DPP10: variants seen among roughly 807,000 people sequenced by gnomAD.
DPP10 encodes dipeptidyl peptidase like 10.
Under a neutral mutation model 120.9 loss-of-function variants are expected in DPP10, and 33 were observed. The observed-to-expected ratio is 0.27, with a 90% confidence interval of 0.21 to 0.37. The LOEUF (loss-of-function observed/expected upper bound fraction) is 0.37, where lower values mean the gene tolerates loss of function less well. Among genes scored for constraint, DPP10 ranks in the 10% least tolerant of loss-of-function variants. The pLI is 1.00. For synonymous variants in DPP10, 337 were observed against 326.1 expected (o/e 1.03, Z -0.36); for missense variants, 816 against 942.8 (o/e 0.87, Z 1.76).
chr2:115,132,685 C>T (rs898617650), intron 1 of DPP10, among the ~76,000 whole-genome samples: 10 of 152,156 alleles, frequency 6.6e-5, no homozygotes, highest in East Asian at 5.8e-4. Context: ...CTTCCAGTTA[C>T]GGCTGGAAAT....
chr2:115,534,215 T>G (rs934167834), intron 5 of DPP10, among the ~76,000 whole-genome samples: 15 of 152,018 alleles, frequency 9.9e-5, no homozygotes, highest in African/African-American at 3.1e-4. Context: ...ACCCACTAAC[T>G]CGTCATCTAG....
intron 3 of DPP10, among the ~76,000 whole-genome samples, chr2:115,419,956 A>T (rs993863897): frequency 6.6e-6 from 1 of 152,182 alleles, no homozygotes; most frequent in Non-Finnish European, 1.5e-5. Flanking sequence ...GCAATTGTAT[A>T]TATCTGTAGA....
chr2:115,010,407 T>C (rs1330000323), intron 1 of DPP10, among the ~76,000 whole-genome samples: 2 of 152,192 alleles, frequency 1.3e-5, no homozygotes, highest in Non-Finnish European at 2.9e-5. Flanking sequence ...AGTTTACACA[T>C]AAATGATGTA....
intron 1 of DPP10, among the ~76,000 whole-genome samples, chr2:115,016,115 G>T (rs1702615314): frequency 6.6e-6 from 1 of 152,150 alleles, no homozygotes; most frequent in Admixed American, 6.6e-5. Context: ...CAAGGCTAAA[G>T]TAACCAAAAC....
intron 1 of DPP10, among the ~76,000 whole-genome samples, chr2:115,016,736 A>G (rs138647134): frequency 3.0e-4 from 45 of 152,302 alleles, no homozygotes; most frequent in Admixed American, 7.8e-4. Context: ...TATGCAGCCA[A>G]CAGACACACG....
intron 1 of DPP10, among the ~76,000 whole-genome samples, chr2:114,562,750 A>G (rs912338157): frequency 1.3e-5 from 2 of 152,240 alleles, no homozygotes; most frequent in Admixed American, 1.3e-4. Context: ...ATACTCTGTA[A>G]AAGGAATTAT....
At chr2:115,036,901 C>T (rs1304388833) in intron 1 of DPP10, among the ~76,000 whole-genome samples, 7 of 152,230 alleles carry the variant, frequency 4.6e-5, no homozygotes, top group Non-Finnish European at 7.4e-5. Flanking sequence ...CTGCAAGATA[C>T]GAATCATCTC....
At chr2:115,182,853 TTTC>T (rs2105156993) in intron 1 of DPP10, among the ~76,000 whole-genome samples, 1 of 152,276 alleles carries the variant, frequency 6.6e-6, no homozygotes, top group Admixed American at 6.5e-5. Context: ...TTCATCCCTT[TTTC>T]TTCTTTTGTT....
chr2:114,486,144 G>C (rs571954883), intron 1 of DPP10, among the ~76,000 whole-genome samples: 1 of 152,134 alleles, frequency 6.6e-6, no homozygotes, highest in Non-Finnish European at 1.5e-5. Context: ...ATTCAACGCT[G>C]TAGTACTGCC....
At chr2:115,676,906 A>C (rs2090310268) in intron 5 of DPP10, among the ~76,000 whole-genome samples, 1 of 152,216 alleles carries the variant, frequency 6.6e-6, no homozygotes, top group Non-Finnish European at 1.5e-5. Flanking sequence ...ATCACAAGAT[A>C]AAGAGAGACT....
chr2:114,537,396 TC>T (rs1318133804), intron 1 of DPP10, among the ~76,000 whole-genome samples: 1 of 152,190 alleles, frequency 6.6e-6, no homozygotes, highest in Non-Finnish European at 1.5e-5. Flanking sequence ...AAACAGTTGT[TC>T]TTGTGTGTGT....
intron 1 of DPP10, among the ~76,000 whole-genome samples, chr2:115,195,770 C>T (rs751093455): frequency 3.3e-5 from 5 of 152,142 alleles, no homozygotes; most frequent in Non-Finnish European, 7.3e-5. Context: ...GCTTCCTTCC[C>T]TCAATGGCCA....
intron 3 of DPP10, among the ~76,000 whole-genome samples, chr2:115,382,439 C>G (rs947347358): frequency 2.0e-5 from 3 of 152,220 alleles, no homozygotes; most frequent in Non-Finnish European, 4.4e-5. Context: ...CGCGCACCCA[C>G]TGACCTGCAC....
intron 1 of DPP10, among the ~76,000 whole-genome samples, chr2:114,733,786 G>C (rs2105954205): frequency 6.6e-6 from 1 of 152,184 alleles, no homozygotes; most frequent in African/African-American, 2.4e-5. Context: ...ATAGAGTATT[G>C]AATATAACGA....
chr2:114,775,783 T>C (rs1225300374), intron 1 of DPP10, among the ~76,000 whole-genome samples: 2 of 152,222 alleles, frequency 1.3e-5, no homozygotes, highest in African/African-American at 2.4e-5. Flanking sequence ...AAGTGTCTTA[T>C]TAATTCAACA....
intron 3 of DPP10, among the ~76,000 whole-genome samples, chr2:115,361,267 T>C (rs1425759465): frequency 1.3e-5 from 2 of 152,000 alleles, no homozygotes; most frequent in African/African-American, 4.8e-5. Flanking sequence ...CCCTGAGCCG[T>C]GTGTTCAAAT....
intron 1 of DPP10, among the ~76,000 whole-genome samples, chr2:114,734,604 C>G (rs1677239889): frequency 6.6e-6 from 1 of 152,140 alleles, no homozygotes; most frequent in African/African-American, 2.4e-5. Flanking sequence ...CTTAGGACTC[C>G]CCTAGGGCTG....
chr2:115,139,568 G>C (rs886774218), intron 1 of DPP10, among the ~76,000 whole-genome samples: 8 of 151,892 alleles, frequency 5.3e-5, no homozygotes, highest in African/African-American at 1.7e-4. Flanking sequence ...ATTCTGGGCT[G>C]AGTATCAATG....
chr2:114,604,705 G>A (rs1692647752), intron 1 of DPP10, among the ~76,000 whole-genome samples: 1 of 152,126 alleles, frequency 6.6e-6, no homozygotes, highest in Non-Finnish European at 1.5e-5. Context: ...TTAGCAAGAA[G>A]TTTGGATGAC....
Sources: allele counts gnomAD v4.1 joint callset (sites outside exome capture counted in the v4.1 genomes callset), GRCh38; gene constraint gnomAD v4.1.1; transcripts MANE v1.5; gene names NCBI Gene and HGNC (gene_info 2026-07-23, HGNC 2026-07-21).